Variants in SSUH2 observed in about 807,000 individuals in gnomAD.
The protein encoded by SSUH2 is protein SSUH2 homolog.
Under a neutral mutation model 55.3 loss-of-function variants are expected in SSUH2, and 47 were observed. That is an observed-to-expected ratio of 0.85 (90% CI 0.67 to 1.08). The LOEUF is 1.08. Among genes scored for constraint, SSUH2 ranks in the 50% least tolerant of loss-of-function variants. The pLI, the probability that SSUH2 is intolerant of heterozygous loss-of-function variation, is 0.00. For missense variants in SSUH2, 535 were observed against 490.7 expected, an observed-to-expected ratio of 1.09 and a Z score of -0.85; for synonymous variants, 212 against 191.5, an observed-to-expected ratio of 1.11 and a Z score of -0.89.
At chr3:8,634,712 G>A (rs1318704567) in intron 3 of SSUH2, 5 of 565,216 alleles carry the variant, frequency 8.8e-6, no homozygotes, top group Non-Finnish European at 1.5e-5. Flanking sequence ...AGGGCCAGAA[G>A]CCCCCGGGAG....
intron 3 of SSUH2, chr3:8,634,683 G>A (rs1481833626): frequency 1.1e-6 from 1 of 909,210 alleles, no homozygotes; most frequent in Non-Finnish European, 1.6e-6. Flanking sequence ...AGGAGAAGGG[G>A]GTTGCTTCTG....
Position 8,677,723 on chromosome 3 carries a change from A to C in SSUH2, c.-900-370T>G, listed in dbSNP as rs559220999. ...TGCCCCCCTGTTTTAGGGCCTTGGC[A>C]GCAACTGCCCTGCTAGTACAAGAAG... On this transcript the variant is annotated intron_variant, in intron 2 of 18. Transcript: ENST00000317371. 3.3e-5 allele frequency among the ~76,000 whole-genome samples: 5 copies of C among 150,878 alleles called. No homozygotes were observed. In the South Asian group the frequency reaches 1.1e-3, roughly 32 times the overall value.
chr3:8,629,111 G>C (rs892356587), intron 7 of SSUH2, among the ~76,000 whole-genome samples: 3 of 152,082 alleles, frequency 2.0e-5, no homozygotes, highest in Admixed American at 6.5e-5. Context: ...TGCCCGCCTT[G>C]GCCTCCCAAA....
At chr3:8,641,650 C>T (rs1700867193) in intron 1 of SSUH2, among the ~76,000 whole-genome samples, 2 of 152,208 alleles carry the variant, frequency 1.3e-5, no homozygotes, top group South Asian at 4.1e-4. Context: ...CCAGATGGGC[C>T]CCTAGAGGCC....
At chr3:8,648,164 T>C (rs985567037), upstream of SSUH2, among the ~76,000 whole-genome samples, 7 of 152,140 alleles carry the variant, frequency 4.6e-5, no homozygotes, top group Non-Finnish European at 8.8e-5. Flanking sequence ...CTCCGTAAGA[T>C]AGATATTGTT....
chr3:8,622,889 C>T (rs1696723322), intron 11 of SSUH2, among the ~76,000 whole-genome samples: 1 of 152,092 alleles, frequency 6.6e-6, no homozygotes, highest in Non-Finnish European at 1.5e-5. Context: ...AGTGGCTGGC[C>T]CAGGATCATG....
At chr3:8,633,545 A>G in intron 4 of SSUH2, 121 bp downstream of exon 4, 2 of 756,020 alleles carry the variant, frequency 2.6e-6, no homozygotes, top group Admixed American at 6.6e-5. Flanking sequence ...CTCACACTCA[A>G]ACACACTGCC....
chr3:8,651,227 T>A (rs1226710723), intron 7 of SSUH2, among the ~76,000 whole-genome samples: 1 of 152,176 alleles, frequency 6.6e-6, no homozygotes, highest in East Asian at 1.9e-4. Flanking sequence ...TTCCCGTCCT[T>A]GTGTTTGCAG....
intron 6 of SSUH2, chr3:8,663,721 C>CACTG: frequency 2.2e-6 from 1 of 445,708 alleles, no homozygotes; most frequent in South Asian, 1.6e-5. Context: ...TATTGGGACA[C>CACTG]ACTGGTCCAT....
chr3:8,647,891 C>A (rs1228565769), upstream of SSUH2, among the ~76,000 whole-genome samples: 1 of 152,186 alleles, frequency 6.6e-6, no homozygotes, highest in African/African-American at 2.4e-5. Context: ...GTGCCCATGG[C>A]AGGAATCAAG....
At chr3:8,628,866 GTTTT>G (rs1437241111) in intron 7 of SSUH2, among the ~76,000 whole-genome samples, 1 of 152,060 alleles carries the variant, frequency 6.6e-6, no homozygotes, top group Non-Finnish European at 1.5e-5. Flanking sequence ...TTTGTTTTTT[GTTTT>G]TTTGAGATGG....
chr3:8,657,035 C>G (rs1314282681), intron 7 of SSUH2, among the ~76,000 whole-genome samples: 1 of 152,162 alleles, frequency 6.6e-6, no homozygotes, highest in African/African-American at 2.4e-5. Context: ...CATGCACCAT[C>G]ACACCCGGCC....
At chr3:8,681,372 C>G (rs532126776) in intron 1 of SSUH2, among the ~76,000 whole-genome samples, 58 of 150,804 alleles carry the variant, frequency 3.8e-4, no homozygotes, top group African/African-American at 1.4e-3. Context: ...CCTTTTTTCC[C>G]CTGGCTCTGA....
At chr3:8,640,171 C>T (rs1700599059) in intron 1 of SSUH2, 2 of 193,504 alleles carry the variant, frequency 1.0e-5, no homozygotes, top group African/African-American at 2.4e-5. Context: ...TGCACAACAA[C>T]GTGAATGAAC....
At chr3:8,651,716 T>C (rs1702434446) in intron 7 of SSUH2, among the ~76,000 whole-genome samples, 1 of 152,104 alleles carries the variant, frequency 6.6e-6, no homozygotes, top group Admixed American at 6.5e-5. Context: ...CATTTTTTCC[T>C]CCATCCCCTG....
At chr3:8,651,769 C>T (rs1040746098) in intron 7 of SSUH2, among the ~76,000 whole-genome samples, 1 of 152,138 alleles carries the variant, frequency 6.6e-6, no homozygotes, top group African/African-American at 2.4e-5. Flanking sequence ...AGACAGCCCT[C>T]AGCAAGGATG....
chr3:8,637,099 C>T (rs965951836), intron 1 of SSUH2, among the ~76,000 whole-genome samples: 2 of 152,152 alleles, frequency 1.3e-5, no homozygotes, highest in Non-Finnish European at 2.9e-5. Context: ...TTTTCCTAGG[C>T]TAGCAATAGA....
At chr3:8,675,289 A>C (rs1253016895) in intron 3 of SSUH2, among the ~76,000 whole-genome samples, 1 of 152,112 alleles carries the variant, frequency 6.6e-6, no homozygotes, top group East Asian at 1.9e-4. Context: ...AGGTGTCACT[A>C]CTCAGTACAC....
intron 3 of SSUH2, among the ~76,000 whole-genome samples, chr3:8,676,757 C>T (rs984910999): frequency 1.3e-5 from 2 of 148,368 alleles, no homozygotes; most frequent in African/African-American, 5.2e-5. Context: ...CCCCCTCTTC[C>T]CACCTGGATC....
Sources: gnomAD v4.1 joint callset for allele counts (sites outside exome capture counted in the v4.1 genomes callset) on GRCh38, gnomAD v4.1.1 for gene constraint, MANE v1.5 for transcripts, NCBI Gene and HGNC (gene_info 2026-07-23, HGNC 2026-07-21) for gene names.